Variants in SLC44A5 observed in about 807,000 individuals in gnomAD.
SLC44A5 encodes the protein solute carrier family 44 member 5, also known as choline transporter-like protein 5.
In SLC44A5, 57 loss-of-function variants were observed where a neutral mutation model predicts 101.8. The observed-to-expected ratio is 0.56, with a 90% confidence interval of 0.45 to 0.70. SLC44A5 has a LOEUF of 0.70. SLC44A5 is among the 30% of genes least tolerant of loss of function. The pLI, the probability that SLC44A5 is intolerant of heterozygous loss-of-function variation, is 0.00. For missense variants in SLC44A5, 737 were observed against 853.1 expected (o/e 0.86, Z 1.70); for synonymous variants, 281 against 290.9 (o/e 0.97, Z 0.35).
chr1:75,252,206 AC>A (rs1267213066), intron 6 of SLC44A5, among the ~76,000 whole-genome samples: 2 of 152,200 alleles, frequency 1.3e-5, no homozygotes, highest in Non-Finnish European at 2.9e-5. Context: ...TGTTCTGTAA[AC>A]CATATCTTAA....
At chr1:75,543,910 A>G (rs1671502951) in intron 1 of SLC44A5, among the ~76,000 whole-genome samples, 1 of 152,006 alleles carries the variant, frequency 6.6e-6, no homozygotes, top group Non-Finnish European at 1.5e-5. Flanking sequence ...CTATTCTGTG[A>G]TGAGTGACTC....
intron 20 of SLC44A5, among the ~76,000 whole-genome samples, chr1:75,214,362 A>T (rs529150693): frequency 7.0e-4 from 106 of 152,214 alleles, no homozygotes; most frequent in African/African-American, 2.5e-3. Context: ...TTTCTTGAGC[A>T]GAGGGGATAA....
At chr1:75,573,056 G>A (rs987194072) in intron 1 of SLC44A5, among the ~76,000 whole-genome samples, 2 of 147,416 alleles carry the variant, frequency 1.4e-5, no homozygotes, top group African/African-American at 5.1e-5. Context: ...CCGGGAGGCG[G>A]AGGTTGCAGT....
At chr1:75,282,188 A>T (rs1483754385) in intron 5 of SLC44A5, among the ~76,000 whole-genome samples, 1 of 152,208 alleles carries the variant, frequency 6.6e-6, no homozygotes, top group East Asian at 1.9e-4. Flanking sequence ...GATGTGAGAC[A>T]TAGAATCAAA....
intron 2 of SLC44A5, among the ~76,000 whole-genome samples, chr1:75,465,769 A>T (rs1252280774): frequency 6.6e-6 from 1 of 152,146 alleles, no homozygotes; most frequent in African/African-American, 2.4e-5. Context: ...CCAATAAATT[A>T]AAAAATCTAG....
At chr1:75,574,181 C>T (rs1195462841) in intron 1 of SLC44A5, among the ~76,000 whole-genome samples, 1 of 152,162 alleles carries the variant, frequency 6.6e-6, no homozygotes, top group African/African-American at 2.4e-5. Context: ...GTGGCTTATC[C>T]TATTAAGAAA....
chr1:75,611,035 C>A lies in SLC44A5; in HGVS notation c.-70+5G>T. On this transcript the variant is annotated splice_donor_5th_base_variant and intron_variant, in intron 1 of 23. Transcript: ENST00000370859. ...AGACTTCTTGCATTTAGCAGTATCA[C>A]TCACCTCTTACTCCATCATTTCTTC... 1 of 984,746 alleles carries A rather than the reference C, an allele frequency of 1.0e-6. No homozygotes were observed. Among genetic ancestry groups the A allele is most frequent in the Non-Finnish European group, 1.2e-6 (1 of 829,328 alleles). The allele number at this position is 984,746 out of a possible 1,614,324, so 61.0% of individuals were successfully genotyped here.
At chr1:75,472,908 C>T (rs963621026) in intron 2 of SLC44A5, among the ~76,000 whole-genome samples, 3 of 152,162 alleles carry the variant, frequency 2.0e-5, no homozygotes, top group African/African-American at 7.2e-5. Flanking sequence ...TTCACTCTTA[C>T]ACATATTATA....
Position 75,530,202 on chromosome 1 carries a change from G to A in SLC44A5, c.13+11233C>T, listed in dbSNP as rs1245066164. Among the ~76,000 whole-genome samples, 6 of 151,886 alleles carry A rather than the reference G, an allele frequency of 4.0e-5. No individual in the cohort carries two copies. The South Asian group carries it at 1.2e-3, about 32-fold the overall frequency. On this transcript the variant is annotated intron_variant, in intron 2 of 23. Transcript: ENST00000370859. ...TTTTTTATTATTATTAACAGAAAAG[G>A]GAAAAACATGAAAATTATCTGGCTT... is the stretch of plus-strand genomic sequence containing the variant.
At chr1:75,569,482 T>C (rs923739885) in intron 1 of SLC44A5, among the ~76,000 whole-genome samples, 15 of 152,142 alleles carry the variant, frequency 9.9e-5, no homozygotes, top group Non-Finnish European at 1.5e-5. Flanking sequence ...GCTCAAGTTA[T>C]CTGCCCTCAT....
intron 23 of SLC44A5, among the ~76,000 whole-genome samples, chr1:75,209,594 T>C (rs1646814379): frequency 6.6e-6 from 1 of 152,178 alleles, no homozygotes; most frequent in African/African-American, 2.4e-5. Flanking sequence ...AAGAGCTAAC[T>C]AGTACATAAA....
At chr1:75,307,695 ACC>A (rs567186077) in intron 4 of SLC44A5, among the ~76,000 whole-genome samples, 6 of 152,074 alleles carry the variant, frequency 3.9e-5, no homozygotes, top group South Asian at 2.1e-4. Flanking sequence ...AATTGTATCC[ACC>A]CCCTTGGTTC....
chr1:75,463,201 C>T (rs1054421946), intron 2 of SLC44A5, among the ~76,000 whole-genome samples: 4 of 152,070 alleles, frequency 2.6e-5, no homozygotes, highest in Admixed American at 6.6e-5. Context: ...GCAGGCGGAT[C>T]ACAAGGTCAG....
intron 2 of SLC44A5, among the ~76,000 whole-genome samples, chr1:75,537,418 T>G (rs1031705053): frequency 2.6e-5 from 4 of 152,248 alleles, no homozygotes; most frequent in African/African-American, 9.6e-5. Context: ...AAAGTATTTT[T>G]GCTTATCTGT....
chr1:75,666,749 A>G, the SLC44A5 span, among the ~76,000 whole-genome samples: 3 of 152,234 alleles, frequency 2.0e-5, no homozygotes, highest in Non-Finnish European at 2.9e-5. Context: ...CGATCAAGTC[A>G]GCTTCATACC....
intron 1 of SLC44A5, among the ~76,000 whole-genome samples, chr1:75,575,479 C>A (rs1557924287): frequency 1.3e-5 from 2 of 152,106 alleles, no homozygotes; most frequent in Non-Finnish European, 2.9e-5. Context: ...GTATGTCAGC[C>A]ATTCACTTAC....
At chr1:75,211,619 A>G (rs902850806) in intron 22 of SLC44A5, 67 bp from the exon 23 acceptor site, 32 of 1,189,220 alleles carry the variant, frequency 2.7e-5, no homozygotes, top group Non-Finnish European at 4.0e-5. Flanking sequence ...TAATGCAGCT[A>G]TAAATGAAAG....
chr1:75,373,886 G>A (rs1254198087), intron 3 of SLC44A5, among the ~76,000 whole-genome samples: 1 of 152,136 alleles, frequency 6.6e-6, no homozygotes, highest in East Asian at 1.9e-4. Context: ...ACACTACCCA[G>A]GGGCATCAAG....
chr1:75,530,272 CTT>C (rs1425174986), intron 2 of SLC44A5, among the ~76,000 whole-genome samples: 1 of 152,060 alleles, frequency 6.6e-6, no homozygotes, highest in Non-Finnish European at 1.5e-5. Context: ...TTTCACTCCT[CTT>C]AATATCAAGA....
Sources: allele counts gnomAD v4.1 joint callset (sites outside exome capture counted in the v4.1 genomes callset), GRCh38; gene constraint gnomAD v4.1.1; transcripts MANE v1.5; gene names NCBI Gene and HGNC (gene_info 2026-07-23, HGNC 2026-07-21).